Variants in CRISPLD2 observed in about 807,000 individuals in gnomAD.
CRISPLD2 encodes cysteine rich secretory protein LCCL domain containing 2, also known as cysteine-rich secretory protein LCCL domain-containing 2.
A neutral mutation model predicts 71.1 loss-of-function variants in CRISPLD2; 47 were observed. That is an observed-to-expected ratio of 0.66 (90% CI 0.52 to 0.84). The LOEUF (loss-of-function observed/expected upper bound fraction) is 0.84. Among genes scored for constraint, CRISPLD2 ranks in the 40% least tolerant of loss-of-function variants. The pLI is 0.00. For synonymous variants in CRISPLD2, 317 were observed against 250.1 expected (o/e 1.27, Z -2.52); for missense variants, 830 against 651.1 (o/e 1.27, Z -2.99).
chr16:84,849,548 C>T (rs373081281), intron 4 of CRISPLD2, 31 bp downstream of exon 4: 1 of 1,606,946 alleles, frequency 6.2e-7, no homozygotes, highest in East Asian at 2.2e-5. Flanking sequence ...GACCTCAGCC[C>T]TGCCCCCCAA....
intron 14 of CRISPLD2, among the ~76,000 whole-genome samples, chr16:84,890,370 G>A (rs1021268608): frequency 1.7e-4 from 25 of 150,334 alleles, no homozygotes; most frequent in African/African-American, 4.9e-4. Context: ...AAAAAAAAAA[G>A]AAGTGGCAGT....
In CRISPLD2 at chr16:84,838,664, G is replaced by C. The variant is rs143526344; in HGVS notation, c.169G>C (p.Glu57Gln). 2 of 1,614,138 alleles carry C rather than the reference G, an allele frequency of 1.2e-6. No individual in the cohort carries two copies. Among genetic ancestry groups the C allele is most frequent in the African/African-American group, 1.3e-5 (1 of 74,950 alleles). The change falls in exon 2 of 15, where the codon GAG becomes CAG. Residue 57 changes from glutamate to glutamine, a missense_variant. Physicochemically the swap from Glu to Gln is conservative, Grantham distance 29. Transcript: ENST00000262424. ...CAGAGCCATCCCCAGGGAGGACAAG[G>C]AGGAGATCCTCATGCTGCACAACAA... ...VRRAIPREDK[E>Q]EILMLHNKLR...
chr16:84,827,629 C>T (rs1484665284), intron 1 of CRISPLD2, among the ~76,000 whole-genome samples: 3 of 148,248 alleles, frequency 2.0e-5, no homozygotes, highest in Non-Finnish European at 3.0e-5. Flanking sequence ...TGCAGTGGTG[C>T]GATCTCAGCT....
In CRISPLD2 at chr16:84,880,563, T is replaced by C. The variant is rs773362508; in HGVS notation, c.1284T>C (p.Phe428=). 3.1e-6 allele frequency: 5 copies of C among 1,613,958 alleles called. No homozygotes were observed. The highest frequency in any genetic ancestry group is 1.7e-5 in the Admixed American group (1 of 60,012). ...KDEPSYWAPV[F]GTNIYADTSS... is the part of the protein sequence containing the mutation. Reference sequence around the variant, plus strand: ...AACCTTCCTACTGGGCTCCGGTGTTTGGAACCAACATCTATGCAGATGTGA... The same window carrying C: ...AACCTTCCTACTGGGCTCCGGTGTTCGGAACCAACATCTATGCAGATGTGA... Residue 428 remains phenylalanine, a synonymous_variant, in exon 13 of 15, where the codon TTT becomes TTC. Transcript: ENST00000262424.
chr16:84,823,898 A>C (rs1916287414), intron 1 of CRISPLD2, among the ~76,000 whole-genome samples: 1 of 152,216 alleles, frequency 6.6e-6, no homozygotes, highest in Admixed American at 6.5e-5. Flanking sequence ...ACAGAATGGC[A>C]ACATCCCAGG....
intron 12 of CRISPLD2, among the ~76,000 whole-genome samples, chr16:84,879,842 TG>T (rs2071553011): frequency 6.6e-6 from 1 of 152,222 alleles, no homozygotes; most frequent in Non-Finnish European, 1.5e-5. Flanking sequence ...TCTTGGTCCC[TG>T]GGCTCCAGCC....
chr16:84,895,895 A>G (rs2071701517), intron 14 of CRISPLD2, among the ~76,000 whole-genome samples: 2 of 152,160 alleles, frequency 1.3e-5, no homozygotes, highest in Admixed American at 1.3e-4. Context: ...AACCCAGTTT[A>G]CAGATGGGGA....
At chr16:84,862,392 A>G (rs1917409465) in intron 6 of CRISPLD2, among the ~76,000 whole-genome samples, 1 of 151,854 alleles carries the variant, frequency 6.6e-6, no homozygotes, top group Admixed American at 6.6e-5. Flanking sequence ...TAGAGACGGG[A>G]TCTCACTATA....
At chr16:84,892,422 G>C (rs2071670938) in intron 14 of CRISPLD2, among the ~76,000 whole-genome samples, 1 of 152,152 alleles carries the variant, frequency 6.6e-6, no homozygotes, top group African/African-American at 2.4e-5. Context: ...CTGGGGGAGA[G>C]TGCAGAGCCT....
chr16:84,846,546 G>A (rs1250356308), intron 3 of CRISPLD2, among the ~76,000 whole-genome samples: 5 of 152,122 alleles, frequency 3.3e-5, no homozygotes, highest in Non-Finnish European at 4.4e-5. Flanking sequence ...GAGCCACCGC[G>A]CCTGGCCTGT....
intron 14 of CRISPLD2, among the ~76,000 whole-genome samples, chr16:84,896,764 C>T (rs1394293547): frequency 6.6e-6 from 1 of 152,154 alleles, no homozygotes; most frequent in East Asian, 1.9e-4. Context: ...CATGTATGTA[C>T]ACTCATACAT....
chr16:84,835,555 G>A (rs1466854440), intron 1 of CRISPLD2, among the ~76,000 whole-genome samples: 1 of 152,076 alleles, frequency 6.6e-6, no homozygotes, highest in Admixed American at 6.6e-5. Context: ...CAACAGTACT[G>A]GCACACCACC....
Position 84,849,540 on chromosome 16 carries a change from C to G in CRISPLD2, c.492+23C>G, listed in dbSNP as rs1377149253. 2.5e-6 allele frequency: 4 copies of G among 1,609,898 alleles called. No homozygotes were observed. The South Asian group carries it at 4.4e-5, about 18-fold the overall frequency. ...CAGGTAACTCGGGGACTTGCCACGA[C>G]CTCAGCCCTGCCCCCCAATCCCAGT... On this transcript the variant is annotated intron_variant, in intron 4 of 14. Transcript: ENST00000262424.
At chr16:84,884,043 C>A (rs1211942278) in intron 13 of CRISPLD2, among the ~76,000 whole-genome samples, 1 of 152,086 alleles carries the variant, frequency 6.6e-6, no homozygotes, top group African/African-American at 2.4e-5. Context: ...CAGGGTTTCT[C>A]CATGTTGGCC....
At chr16:84,882,733 T>G (rs1003082374) in intron 13 of CRISPLD2, among the ~76,000 whole-genome samples, 6 of 152,196 alleles carry the variant, frequency 3.9e-5, no homozygotes, top group African/African-American at 1.4e-4. Flanking sequence ...CAACACATAC[T>G]ATGTTTTAGG....
intron 8 of CRISPLD2, among the ~76,000 whole-genome samples, chr16:84,870,685 T>C (rs1206453278): frequency 1.3e-5 from 2 of 152,254 alleles, no homozygotes; most frequent in Non-Finnish European, 2.9e-5. Flanking sequence ...GACTGCCTGA[T>C]ACTCTGACAC....
chr16:84,838,473 A>G lies in CRISPLD2; in HGVS notation c.-23A>G, dbSNP rs1335134970. The G allele has an allele frequency of 1.5e-5, 24 of 1,608,750 alleles. No homozygotes were observed. Among genetic ancestry groups the G allele is most frequent in the Non-Finnish European group, 1.9e-5 (22 of 1,176,324 alleles). ...GAGCCCAGGCTGCCCCGTGAGTCCC[A>G]TAGTTGCTGCAGGAGTGGAGCCATG... On this transcript the variant is annotated 5_prime_UTR_variant, in exon 2 of 15. Coordinates refer to ENST00000262424, the MANE Select transcript of CRISPLD2 (RefSeq NM_031476.4).
At chr16:84,825,048 G>A (rs550792304) in intron 1 of CRISPLD2, among the ~76,000 whole-genome samples, 1 of 152,158 alleles carries the variant, frequency 6.6e-6, no homozygotes, top group Non-Finnish European at 1.5e-5. Flanking sequence ...AGGTTGCAGT[G>A]AGCCGAGATC....
intron 2 of CRISPLD2, chr16:84,840,068 C>G (rs1234045532): frequency 6.6e-6 from 1 of 152,522 alleles, no homozygotes; most frequent in Non-Finnish European, 1.5e-5. Context: ...GTCTTTGCCA[C>G]TTTGTGGGTA....
Sources: allele counts gnomAD v4.1 joint callset (sites outside exome capture counted in the v4.1 genomes callset), GRCh38; gene constraint gnomAD v4.1.1; transcripts MANE v1.5; gene names NCBI Gene and HGNC (gene_info 2026-07-23, HGNC 2026-07-21).